Variants in ACP7 observed in about 807,000 individuals in gnomAD.
ACP7 encodes acid phosphatase 7, tartrate resistant (putative).
In ACP7, 58 loss-of-function variants were observed where a neutral mutation model predicts 60.6. The observed-to-expected ratio is 0.96, with a 90% CI of 0.77 to 1.19. The LOEUF (loss-of-function observed/expected upper bound fraction) is 1.19, where lower values mean the gene tolerates loss of function less well. ACP7 is among the 50% of genes most tolerant of loss of function. The pLI is 0.00. For missense variants in ACP7, 574 were observed against 596.2 expected, an observed-to-expected ratio of 0.96 and a Z score of 0.39; for synonymous variants, 237 against 232.6, an observed-to-expected ratio of 1.02 and a Z score of -0.17.
In ACP7 at chr19:39,101,553, G is replaced by A. The variant is rs1468060689; in HGVS notation, c.1113+16G>A. ...AGGATCTGCTGTGAGCAGGGGGAAG[G>A]GTGGCTTTGCCTTCTCTCTCTATTC... On this transcript the variant is annotated intron_variant, in intron 11 of 12. Transcript: ENST00000331256. The A allele has an allele frequency of 6.2e-7, 1 of 1,611,714 alleles. No homozygotes were observed. Among genetic ancestry groups the A allele is most frequent in the Non-Finnish European group, 8.5e-7 (1 of 1,178,922 alleles).
chr19:39,090,139 C>CT (rs903235073), intron 2 of ACP7, among the ~76,000 whole-genome samples: 9 of 151,578 alleles, frequency 5.9e-5, no homozygotes, highest in South Asian at 4.2e-4. Context: ...TGCCCTCCTT[C>CT]TTTTTTTTTC....
chr19:39,089,113 G>A, intron 2 of ACP7, among the ~76,000 whole-genome samples: 1 of 152,016 alleles, frequency 6.6e-6, no homozygotes, highest in Non-Finnish European at 1.5e-5. Context: ...TATTTTAGTA[G>A]GGACGGGGTT....
At chr19:39,094,834 C>T (rs2073248352) in intron 2 of ACP7, among the ~76,000 whole-genome samples, 1 of 152,120 alleles carries the variant, frequency 6.6e-6, no homozygotes, top group African/African-American at 2.4e-5. Flanking sequence ...ATTGGACTTA[C>T]AGTTCCACAT....
intron 2 of ACP7, among the ~76,000 whole-genome samples, chr19:39,097,556 C>A (rs955564347): frequency 6.8e-6 from 1 of 147,650 alleles, no homozygotes; most frequent in Non-Finnish European, 1.5e-5. Flanking sequence ...TAGAGTGAGA[C>A]CCTATCTCTA....
At chr19:39,091,624 T>C (rs1405520951) in intron 2 of ACP7, among the ~76,000 whole-genome samples, 1 of 152,134 alleles carries the variant, frequency 6.6e-6, no homozygotes, top group Admixed American at 6.6e-5. Context: ...TTTGAATCTG[T>C]ATAAAAATTA....
chr19:39,107,184 T>C (rs2073420571), intron 12 of ACP7, 100 bp downstream of exon 12: 3 of 1,267,410 alleles, frequency 2.4e-6, no homozygotes, highest in Non-Finnish European at 1.0e-6. Flanking sequence ...CAGTGGCTCA[T>C]GCCTGCAACA....
chr19:39,109,946 G>A (rs995451564), intron 12 of ACP7, 107 bp from the exon 13 acceptor site: 1 of 1,136,356 alleles, frequency 8.8e-7, no homozygotes, highest in Admixed American at 1.9e-5. Context: ...CTTGCTCAGG[G>A]TTGTACAGCC....
At chr19:39,109,536 C>A (rs937498496) in intron 12 of ACP7, among the ~76,000 whole-genome samples, 1 of 151,876 alleles carries the variant, frequency 6.6e-6, no homozygotes, top group East Asian at 1.9e-4. Context: ...GAAACCTTGT[C>A]TCTAGTAAAA....
At chr19:39,107,785 T>G (rs1453645091) in intron 12 of ACP7, among the ~76,000 whole-genome samples, 1 of 151,532 alleles carries the variant, frequency 6.6e-6, no homozygotes, top group East Asian at 2.0e-4. Flanking sequence ...ACAAGGGAGG[T>G]TGAGGCAGGA....
At chr19:39,088,760 T>C (rs2073172160) in intron 2 of ACP7, among the ~76,000 whole-genome samples, 1 of 137,836 alleles carries the variant, frequency 7.3e-6, no homozygotes, top group African/African-American at 2.8e-5. Context: ...TGTTTGTTTG[T>C]TTTGAGACAG....
chr19:39,102,765 T>TTCTTTCTTTCTTTCTC (rs1316628357), intron 11 of ACP7, among the ~76,000 whole-genome samples: 14 of 107,336 alleles, frequency 1.3e-4, no homozygotes, highest in Admixed American at 2.1e-4. Context: ...CTTTCTTTCT[T>TTCTTTCTTTCTTTCTC]TCTCTCTCTC....
chr19:39,108,993 T>G (rs1190908493), intron 12 of ACP7, among the ~76,000 whole-genome samples: 1 of 152,068 alleles, frequency 6.6e-6, no homozygotes, highest in Non-Finnish European at 1.5e-5. Flanking sequence ...GCTAATTTTT[T>G]GTATTTTTAG....
intron 12 of ACP7, among the ~76,000 whole-genome samples, chr19:39,108,412 A>T (rs186060214): frequency 6.6e-6 from 1 of 152,060 alleles, no homozygotes; most frequent in Non-Finnish European, 1.5e-5. Context: ...AAGTGCTGGG[A>T]TTACAGGTGT....
chr19:39,085,265 C>A lies in ACP7; in HGVS notation c.-5C>A, dbSNP rs760450969. The stretch of plus-strand genomic sequence containing the variant: ...TCCCCGGTCTGCCATCACCACCCCA[C>A]CACCATGCACCCCCTTCCTGGCTAC... On this transcript the variant is annotated 5_prime_UTR_variant, in exon 2 of 13. Transcript: ENST00000331256. 6.2e-7 allele frequency: 1 copy of A among 1,611,184 alleles called. No homozygotes were observed. The highest frequency in any genetic ancestry group is 1.7e-5 in the Admixed American group (1 of 59,686).
At position 39,100,757 on chromosome 19, in the gene ACP7, C is replaced by T. The variant is rs1205147365; in HGVS notation, c.711C>T (p.Ala237=). 1.2e-6 allele frequency: 2 copies of T among 1,614,018 alleles called. No homozygotes were observed. The highest frequency in any genetic ancestry group is 2.2e-5 in the South Asian group (2 of 91,084). ...CCTCCAGCTGGGATCTGGGTCCCGC[C>T]CACATCATCTCCTTCTCCACCGAGG... is the stretch of plus-strand genomic sequence containing the variant. ...GLWYSWDLGP[A]HIISFSTEVY... The change falls in exon 7 of 13, where the codon GCC becomes GCT. Residue 237 remains alanine, a synonymous_variant. Transcript: ENST00000331256.
intron 3 of ACP7, 77 bp from the exon 4 acceptor site, chr19:39,098,883 C>T: frequency 1.0e-6 from 1 of 998,158 alleles, no homozygotes; most frequent in South Asian, 1.8e-5. Context: ...TCCCCTCCAC[C>T]AGTCGGGGAA....
At chr19:39,101,569 C>G (rs562737814) in intron 11 of ACP7, 32 bp downstream of exon 11, 42 of 1,594,576 alleles carry the variant, frequency 2.6e-5, no homozygotes, top group Non-Finnish European at 3.5e-5. Context: ...TTTGCCTTCT[C>G]TCTCTATTCC....
chr19:39,100,256 A>T lies in ACP7; in HGVS notation c.535A>T (p.Asn179Tyr). The change falls in exon 5 of 13, where the codon AAC becomes TAC. Residue 179 changes from asparagine (N) to tyrosine (Y), a missense_variant. Physicochemically the swap from Asn to Tyr is moderately radical, Grantham distance 143. Transcript: ENST00000331256. ...GDFAYNLDQD[N>Y]ARVGDRFMRL... ...CTTTGCCTACAACCTGGATCAGGAC[A>T]ACGCCCGTGTTGGGGATAGGTTCAT... is the stretch of plus-strand genomic sequence containing the variant. 2 of 1,614,064 alleles carry T rather than the reference A, an allele frequency of 1.2e-6. No individual in the cohort carries two copies. The highest frequency in any genetic ancestry group is 2.2e-5 in the South Asian group (2 of 91,080).
At chr19:39,085,514 C>A in intron 2 of ACP7, 124 bp downstream of exon 2, 1 of 1,281,446 alleles carries the variant, frequency 7.8e-7, no homozygotes, top group Non-Finnish European at 1.0e-6. Context: ...CCTGAGCCTC[C>A]ATCATCCACC....
Sources: gnomAD v4.1 joint callset for allele counts (sites outside exome capture counted in the v4.1 genomes callset) on GRCh38, gnomAD v4.1.1 for gene constraint, MANE v1.5 for transcripts, NCBI Gene and HGNC (gene_info 2026-07-23, HGNC 2026-07-21) for gene names.